The following TBL1XR1 variants were observed in gnomAD, a reference collection of about 807,000 sequenced individuals.
TBL1XR1 encodes TBL1X/Y related 1.
Under a neutral mutation model 66.9 loss-of-function variants are expected in TBL1XR1, and 5 were observed. The ratio of observed to expected loss-of-function variants is 0.07; its 90% confidence interval spans 0.04 to 0.16. The LOEUF is 0.16. Ranked by LOEUF, TBL1XR1 falls within the 10% of genes least tolerant of loss-of-function variation. TBL1XR1 has a pLI of 1.00. For synonymous variants in TBL1XR1, 210 were observed against 206.0 expected (o/e 1.02, Z -0.17); for missense variants, 238 against 623.2 (o/e 0.38, Z 6.58).
chr3:177,050,166 T>A (rs1237450898), intron 6 of TBL1XR1, 28 bp from the exon 7 acceptor site: 5 of 1,608,128 alleles, frequency 3.1e-6, no homozygotes, highest in Non-Finnish European at 1.7e-6. Context: ...ATATTTTAGA[T>A]CCTCATGACA....
At chr3:177,119,275 T>C (rs1726698425) in intron 1 of TBL1XR1, among the ~76,000 whole-genome samples, 1 of 152,140 alleles carries the variant, frequency 6.6e-6, no homozygotes, top group African/African-American at 2.4e-5. Flanking sequence ...ACCTGGCTGA[T>C]AATCAGGTTT....
intron 2 of TBL1XR1, among the ~76,000 whole-genome samples, chr3:177,086,813 C>T (rs1199606506): frequency 6.6e-6 from 1 of 151,418 alleles, no homozygotes; most frequent in African/African-American, 2.4e-5. Flanking sequence ...TTCCCAAAAA[C>T]CTAACTACTA....
chr3:177,078,567 GA>G (rs1367905112), intron 2 of TBL1XR1: 1 of 139,690 alleles, frequency 7.2e-6, no homozygotes, highest in Non-Finnish European at 1.5e-5. Flanking sequence ...CAGCTGGGGC[GA>G]AAGAGTGAGA....
At chr3:177,054,066 G>A in intron 3 of TBL1XR1, 148 bp from the exon 4 acceptor site, 2 of 675,846 alleles carry the variant, frequency 3.0e-6, no homozygotes, top group South Asian at 4.0e-5. Flanking sequence ...GTGTGTGTGT[G>A]TGTGTGTGCG....
intron 2 of TBL1XR1, among the ~76,000 whole-genome samples, chr3:177,082,393 A>G (rs1309574589): frequency 2.6e-5 from 4 of 152,038 alleles, no homozygotes; most frequent in Non-Finnish European, 4.4e-5. Flanking sequence ...GAGAAAAATG[A>G]AATAAATTTA....
At chr3:177,100,083 C>CA (rs1311832524) in intron 1 of TBL1XR1, among the ~76,000 whole-genome samples, 3 of 152,110 alleles carry the variant, frequency 2.0e-5, no homozygotes, top group Middle Eastern at 3.4e-3. Flanking sequence ...ACCAAATATA[C>CA]AAAAAATCAG....
chr3:177,028,047 T>TA (rs1429818135), intron 14 of TBL1XR1, among the ~76,000 whole-genome samples: 5 of 152,262 alleles, frequency 3.3e-5, no homozygotes, highest in Middle Eastern at 3.4e-3. Context: ...AACTGGGCTA[T>TA]AACGAACCAA....
intron 1 of TBL1XR1, among the ~76,000 whole-genome samples, chr3:177,108,037 A>AT (rs1725095652): frequency 6.7e-6 from 1 of 150,210 alleles, no homozygotes; most frequent in African/African-American, 2.4e-5. Flanking sequence ...AAAAAAAAAG[A>AT]TAACACACCA....
At chr3:177,134,081 C>G (rs527482272) in intron 1 of TBL1XR1, among the ~76,000 whole-genome samples, 3 of 151,974 alleles carry the variant, frequency 2.0e-5, no homozygotes, top group East Asian at 1.9e-4. Context: ...CTCCTAGATA[C>G]GTGAATGTAA....
intron 1 of TBL1XR1, among the ~76,000 whole-genome samples, chr3:177,175,838 C>G (rs1214038271): frequency 6.6e-6 from 1 of 152,056 alleles, no homozygotes; most frequent in Non-Finnish European, 1.5e-5. Flanking sequence ...GCGTGCGGAT[C>G]TCGAGGTCAG....
Position 177,039,362 on chromosome 3 carries a change from T to C in TBL1XR1, c.926-928A>G, listed in dbSNP as rs1715257687. On this transcript the variant is annotated intron_variant, in intron 10 of 15. Coordinates refer to ENST00000457928, the MANE Select transcript of TBL1XR1 (RefSeq NM_024665.7). ...CTGTCAATTACAAGAGTTAGACAAA[T>C]GTTATGCTGAATAAGTATCATTCCC... is the stretch of plus-strand genomic sequence containing the variant. Among the ~76,000 whole-genome samples, 4 of 152,262 alleles carry C rather than the reference T, an allele frequency of 2.6e-5. No individual in the cohort carries two copies. The South Asian group carries it at 8.3e-4, about 32-fold the overall frequency.
chr3:177,125,750 A>G lies in TBL1XR1; in HGVS notation c.-121-27209T>C, dbSNP rs916801345. On this transcript the variant is annotated intron_variant, in intron 1 of 15. Transcript: ENST00000457928. ...TTTATGATTCACTAAGACAATTAAA[A>G]TAGCTCATTTATTTATTCAATTTCC... Among the ~76,000 whole-genome samples, 19 of 152,330 alleles carry G rather than the reference A, an allele frequency of 1.2e-4. No individual in the cohort carries two copies. In the East Asian group the frequency reaches 3.3e-3, roughly 26 times the overall value.
chr3:177,050,407 T>C, intron 6 of TBL1XR1, 71 bp downstream of exon 6: 1 of 1,541,564 alleles, frequency 6.5e-7, no homozygotes, highest in Non-Finnish European at 8.8e-7. Context: ...AAAACCTGAA[T>C]AATGCATATG....
At chr3:177,166,410 A>G (rs528252452) in intron 1 of TBL1XR1, among the ~76,000 whole-genome samples, 1 of 152,350 alleles carries the variant, frequency 6.6e-6, no homozygotes, top group Admixed American at 6.5e-5. Flanking sequence ...TCCACATCAT[A>G]TACTGATATG....
rs1459189657 is a variant in TBL1XR1 at position 177,118,575 on chromosome 3, C to A, written c.-121-20034G>T. ...CATTAGGAAGACTTTAAAGAGAATC[C>A]ATTTGTGAATTCCCTTCTTTATGAG... On this transcript the variant is annotated intron_variant, in intron 1 of 15. Coordinates refer to ENST00000457928, the MANE Select transcript of TBL1XR1 (RefSeq NM_024665.7). Among the ~76,000 whole-genome samples the A allele has an allele frequency of 1.3e-5, 2 of 152,128 alleles. 1 individual carries two copies.
At chr3:177,059,842 G>A (rs1008257294) in intron 3 of TBL1XR1, among the ~76,000 whole-genome samples, 12 of 152,158 alleles carry the variant, frequency 7.9e-5, no homozygotes, top group African/African-American at 2.9e-4. Flanking sequence ...GGTGGGAACC[G>A]CCTAATCAGC....
intron 1 of TBL1XR1, among the ~76,000 whole-genome samples, chr3:177,195,899 C>A (rs971969641): frequency 6.6e-6 from 1 of 152,162 alleles, no homozygotes; most frequent in African/African-American, 2.4e-5. Context: ...ACCCCTGGTG[C>A]CTGCACAGTC....
At chr3:177,122,185 T>C (rs2108758735) in intron 1 of TBL1XR1, among the ~76,000 whole-genome samples, 1 of 152,204 alleles carries the variant, frequency 6.6e-6, no homozygotes, top group African/African-American at 2.4e-5. Context: ...TACTTATTAC[T>C]TAAGACTGTG....
intron 2 of TBL1XR1, among the ~76,000 whole-genome samples, chr3:177,089,208 A>G (rs947798282): frequency 6.6e-6 from 1 of 152,212 alleles, no homozygotes; most frequent in African/African-American, 2.4e-5. Context: ...TGTACCTGTC[A>G]GTAGACCAGA....
Sources: gnomAD v4.1 joint callset for allele counts (sites outside exome capture counted in the v4.1 genomes callset) on GRCh38, gnomAD v4.1.1 for gene constraint, MANE v1.5 for transcripts, NCBI Gene and HGNC (gene_info 2026-07-23, HGNC 2026-07-21) for gene names.